The following NIBAN1 variants were observed in gnomAD, a reference collection of about 807,000 sequenced individuals.
NIBAN1 encodes the protein protein Niban 1.
In NIBAN1, 81 loss-of-function variants were observed where a neutral mutation model predicts 75.1. The observed-to-expected ratio is 1.08, with a 90% CI of 0.90 to 1.30. NIBAN1 has a LOEUF of 1.30. Among genes scored for constraint, NIBAN1 ranks in the 50% most tolerant of loss-of-function variants. The pLI, the probability that NIBAN1 is intolerant of heterozygous loss-of-function variation, is 0.00. For synonymous variants in NIBAN1, 436 were observed against 424.8 expected (o/e 1.03, Z -0.32); for missense variants, 1,133 against 1,128.1 (o/e 1.00, Z -0.06).
chr1:184,824,238 G>T (rs961776216), intron 6 of NIBAN1, among the ~76,000 whole-genome samples: 4 of 152,092 alleles, frequency 2.6e-5, no homozygotes, highest in Non-Finnish European at 5.9e-5. Flanking sequence ...TGTCCCCCAA[G>T]CCCCATTGTC....
In NIBAN1 at chr1:184,795,327, C is replaced by T; in HGVS notation, c.2437G>A (p.Gly813Arg). ...GTGCAGGCCTCTCCTGGGAGCTCCC[C>T]CTCCATGGGCCCCAGGGGCTCCTCG... is the stretch of plus-strand genomic sequence containing the variant. The part of the protein sequence containing the change: ...LTEEPLGPME[G>R]ELPGEACTLT... The change falls in exon 14 of 14, where the codon GGG becomes AGG. Residue 813 changes from glycine to arginine, a missense_variant. Coordinates refer to ENST00000367511, the MANE Select transcript of NIBAN1 (RefSeq NM_052966.4). The T allele has an allele frequency of 6.2e-7, 1 of 1,611,046 alleles. No homozygotes were observed. The highest frequency in any genetic ancestry group is 8.5e-7 in the Non-Finnish European group (1 of 1,178,834).
chr1:184,803,836 C>A, intron 11 of NIBAN1, 144 bp from the exon 12 acceptor site: 1 of 655,704 alleles, frequency 1.5e-6, no homozygotes. Flanking sequence ...AGAGATCTTT[C>A]CATGTAATTC....
intron 1 of NIBAN1, among the ~76,000 whole-genome samples, chr1:184,966,931 T>C (rs1279832885): frequency 6.6e-6 from 1 of 152,190 alleles, no homozygotes; most frequent in African/African-American, 2.4e-5. Context: ...CCATACAACA[T>C]CAAGCATAGA....
At chr1:184,897,943 A>G (rs1435919270) in intron 2 of NIBAN1, among the ~76,000 whole-genome samples, 4 of 151,878 alleles carry the variant, frequency 2.6e-5, no homozygotes, top group Non-Finnish European at 1.5e-5. Flanking sequence ...CCCAGTTTCC[A>G]TTCTCCCCTC....
chr1:184,822,678 G>T (rs1423832714), intron 8 of NIBAN1, among the ~76,000 whole-genome samples: 1 of 152,170 alleles, frequency 6.6e-6, no homozygotes, highest in Admixed American at 6.5e-5. Flanking sequence ...TTTGTAGGGT[G>T]ACTGGGTATG....
intron 5 of NIBAN1, among the ~76,000 whole-genome samples, chr1:184,880,895 A>G (rs1656359362): frequency 6.6e-6 from 1 of 152,176 alleles, no homozygotes; most frequent in South Asian, 2.1e-4. Context: ...GAGACAAGGG[A>G]TTACAGTGTG....
chr1:184,967,678 C>T (rs1258893152), intron 1 of NIBAN1, among the ~76,000 whole-genome samples: 2 of 152,170 alleles, frequency 1.3e-5, no homozygotes, highest in East Asian at 3.8e-4. Context: ...CTAGTAGTTA[C>T]TATTACTAGA....
intron 5 of NIBAN1, among the ~76,000 whole-genome samples, chr1:184,832,825 T>G (rs1293905871): frequency 6.6e-6 from 1 of 152,192 alleles, no homozygotes; most frequent in East Asian, 1.9e-4. Flanking sequence ...TGAACGGCCT[T>G]CTCAGAGTTC....
intron 2 of NIBAN1, among the ~76,000 whole-genome samples, chr1:184,898,444 T>C (rs1656861519): frequency 6.6e-6 from 1 of 151,940 alleles, no homozygotes; most frequent in Non-Finnish European, 1.5e-5. Flanking sequence ...GTGAATATCC[T>C]GTCTCTACTA....
intron 5 of NIBAN1, among the ~76,000 whole-genome samples, chr1:184,880,154 T>C (rs759129431): frequency 6.6e-6 from 1 of 152,248 alleles, no homozygotes; most frequent in Non-Finnish European, 1.5e-5. Flanking sequence ...TCACCATTCA[T>C]CCAGTGATGG....
chr1:184,867,775 T>G, intron 5 of NIBAN1: 5 of 771,470 alleles, frequency 6.5e-6, no homozygotes, highest in Non-Finnish European at 7.9e-6. Flanking sequence ...GCCTTACAAA[T>G]TGAGTTTGGT....
chr1:184,827,560 GTT>G (rs58483276), intron 6 of NIBAN1, among the ~76,000 whole-genome samples: 1 of 117,680 alleles, frequency 8.5e-6, no homozygotes, highest in Non-Finnish European at 1.6e-5. Context: ...AAATACTTCA[GTT>G]TTTTTTTTTT....
intron 1 of NIBAN1, among the ~76,000 whole-genome samples, chr1:184,912,769 A>G (rs1467724843): frequency 6.6e-6 from 1 of 152,212 alleles, no homozygotes; most frequent in African/African-American, 2.4e-5. Flanking sequence ...TATGATTTTT[A>G]TGAGACTGAC....
chr1:184,945,027 A>G (rs1658186948), intron 1 of NIBAN1, among the ~76,000 whole-genome samples: 1 of 152,248 alleles, frequency 6.6e-6, no homozygotes, highest in South Asian at 2.1e-4. Context: ...AATAGATATT[A>G]ACAAACTATC....
intron 3 of NIBAN1, among the ~76,000 whole-genome samples, chr1:184,890,787 C>T (rs1656646445): frequency 1.3e-5 from 2 of 152,170 alleles, no homozygotes. Context: ...GATGGAAGTA[C>T]AGCACTGTGA....
At chr1:184,888,308 TATCACAGAGTCAG>T (rs1471121442) in intron 4 of NIBAN1, 1 of 152,216 alleles carries the variant, frequency 6.6e-6, no homozygotes, top group African/African-American at 2.4e-5. Context: ...GTAGAAATAA[TATCACAGAGTCAG>T]TCTTCTTGAC....
At chr1:184,916,552 G>A (rs1356021406) in intron 1 of NIBAN1, among the ~76,000 whole-genome samples, 2 of 152,000 alleles carry the variant, frequency 1.3e-5, no homozygotes, top group Non-Finnish European at 1.5e-5. Flanking sequence ...GTGTGTGTGT[G>A]TCTCCAAATA....
intron 1 of NIBAN1, among the ~76,000 whole-genome samples, chr1:184,902,874 A>G (rs1656988364): frequency 2.0e-5 from 3 of 152,256 alleles, no homozygotes; most frequent in Admixed American, 2.0e-4. Context: ...ACAGGGTTTC[A>G]TGAGGAGCAA....
intron 1 of NIBAN1, among the ~76,000 whole-genome samples, chr1:184,922,422 C>G (rs1354184805): frequency 5.3e-5 from 8 of 152,140 alleles, no homozygotes; most frequent in Non-Finnish European, 5.9e-5. Context: ...CTGGTAACTA[C>G]TGTTCTACTC....
Sources: allele counts gnomAD v4.1 joint callset (sites outside exome capture counted in the v4.1 genomes callset), GRCh38; gene constraint gnomAD v4.1.1; transcripts MANE v1.5; gene names NCBI Gene and HGNC (gene_info 2026-07-23, HGNC 2026-07-21).